GASK1A: variants seen among roughly 807,000 people sequenced by gnomAD.
GASK1A encodes Golgi-associated kinase 1A.
Under a neutral mutation model 41.2 loss-of-function variants are expected in GASK1A, and 40 were observed. The ratio of observed to expected loss-of-function variants is 0.97; its 90% confidence interval spans 0.75 to 1.27. The LOEUF is 1.27. GASK1A is among the 50% of genes most tolerant of loss of function. The pLI is 0.00. For synonymous variants in GASK1A, 316 were observed against 307.1 expected (o/e 1.03, Z -0.30); for missense variants, 678 against 745.1 (o/e 0.91, Z 1.05).
chr3:43,031,464 C>A (rs947618552), intron 1 of GASK1A, among the ~76,000 whole-genome samples: 3 of 152,150 alleles, frequency 2.0e-5, no homozygotes, highest in Non-Finnish European at 4.4e-5. Context: ...CTGACAAGTC[C>A]CCAGGTGATA....
intron 1 of GASK1A, among the ~76,000 whole-genome samples, chr3:43,013,567 G>T (rs1207676349): frequency 6.6e-6 from 1 of 151,726 alleles, no homozygotes; most frequent in African/African-American, 2.4e-5. Context: ...ACAGGGAGGG[G>T]TATTGTGAAG....
chr3:43,007,122 C>T (rs1254834312), intron 1 of GASK1A, among the ~76,000 whole-genome samples: 1 of 152,168 alleles, frequency 6.6e-6, no homozygotes, highest in Non-Finnish European at 1.5e-5. Flanking sequence ...CAAACTGTCT[C>T]CATGACCATG....
intron 1 of GASK1A, among the ~76,000 whole-genome samples, chr3:42,983,727 T>A (rs2089293154): frequency 6.6e-6 from 1 of 152,228 alleles, no homozygotes; most frequent in Non-Finnish European, 1.5e-5. Context: ...GTGGGAAATT[T>A]GATCCCCTCT....
At chr3:43,005,917 G>A (rs769748778) in intron 1 of GASK1A, among the ~76,000 whole-genome samples, 1 of 152,172 alleles carries the variant, frequency 6.6e-6, no homozygotes, top group Non-Finnish European at 1.5e-5. Flanking sequence ...TCTGATTTAT[G>A]GCAATGGGAT....
In GASK1A at chr3:43,020,063, G is replaced by T. The variant is rs544131578; in HGVS notation, c.4-12204G>T. Among the ~76,000 whole-genome samples, 3 of 152,280 alleles carry T rather than the reference G, an allele frequency of 2.0e-5. No individual in the cohort carries two copies. In the South Asian group the frequency reaches 6.2e-4, roughly 32 times the overall value. The stretch of plus-strand genomic sequence containing the variant: ...GTCCCTGTGCAGCCAGCCAACTGCA[G>T]TCATATTTGTAGGCAGTGGAGGTGT... On this transcript the variant is annotated intron_variant, in intron 1 of 4. Coordinates refer to ENST00000430121, the MANE Select transcript of GASK1A (RefSeq NM_001129908.3).
At chr3:43,027,396 A>G (rs2089551820) in intron 1 of GASK1A, among the ~76,000 whole-genome samples, 1 of 152,224 alleles carries the variant, frequency 6.6e-6, no homozygotes, top group African/African-American at 2.4e-5. Flanking sequence ...ATGAAGGCAA[A>G]AGGTGGGAGA....
intron 1 of GASK1A, among the ~76,000 whole-genome samples, chr3:43,002,773 T>A (rs1339784548): frequency 2.6e-5 from 4 of 152,196 alleles, no homozygotes; most frequent in Non-Finnish European, 4.4e-5. Context: ...TTTCTTTTTT[T>A]AAAAATGTGG....
chr3:43,052,158 C>A (rs1465732291), intron 2 of GASK1A, among the ~76,000 whole-genome samples: 1 of 152,180 alleles, frequency 6.6e-6, no homozygotes, highest in Admixed American at 6.5e-5. Context: ...TGGAGCCCTT[C>A]CTAGGATTTG....
Position 43,033,206 on chromosome 3 carries a change from G to C in GASK1A, c.943G>C (p.Gly315Arg). The C allele has an allele frequency of 6.4e-7, 1 of 1,551,584 alleles. No individual in the cohort carries two copies. Among genetic ancestry groups the C allele is most frequent in the Middle Eastern group, 1.7e-4 (1 of 5,992 alleles). ...SPRLSQLCSQ[G>R]LCGLIKRPGD... ...CAGGCTCAGCCAACTCTGTTCCCAA[G>C]GGCTCTGTGGCCTGATCAAGAGGCC... is the stretch of plus-strand genomic sequence containing the variant. The change falls in exon 2 of 5, where the codon GGG becomes CGG. Residue 315 changes from glycine (G) to arginine (R), a missense_variant. By Grantham distance (125) the Gly-to-Arg change is moderately radical. Coordinates refer to ENST00000430121, the MANE Select transcript of GASK1A (RefSeq NM_001129908.3).
At chr3:43,052,803 C>T (rs2089697488) in intron 2 of GASK1A, among the ~76,000 whole-genome samples, 5 of 152,194 alleles carry the variant, frequency 3.3e-5, no homozygotes, top group Admixed American at 3.3e-4. Flanking sequence ...ATACTATCCT[C>T]ATGTAGGTCA....
intron 1 of GASK1A, among the ~76,000 whole-genome samples, chr3:43,031,668 A>G (rs1030053026): frequency 6.6e-5 from 10 of 152,184 alleles, no homozygotes; most frequent in African/African-American, 2.4e-4. Context: ...ACCGGCAGGG[A>G]CGGCAAGAGA....
At chr3:43,023,138 C>G (rs577485872) in intron 1 of GASK1A, among the ~76,000 whole-genome samples, 6 of 152,194 alleles carry the variant, frequency 3.9e-5, no homozygotes, top group Non-Finnish European at 8.8e-5. Flanking sequence ...CCAGGTGGAC[C>G]CTAAATGCCA....
intron 1 of GASK1A, among the ~76,000 whole-genome samples, chr3:42,980,497 C>G (rs1409527711): frequency 6.6e-6 from 1 of 152,220 alleles, no homozygotes; most frequent in Admixed American, 6.5e-5. Flanking sequence ...CTCGCCTCTT[C>G]CCTTTCCTTC....
chr3:43,042,803 G>T (rs1332203872), intron 2 of GASK1A, among the ~76,000 whole-genome samples: 1 of 152,082 alleles, frequency 6.6e-6, no homozygotes, highest in Non-Finnish European at 1.5e-5. Flanking sequence ...TGGTCTATTC[G>T]CCGGCTTCCG....
At chr3:43,001,701 G>A (rs1020164339) in intron 1 of GASK1A, among the ~76,000 whole-genome samples, 6 of 152,164 alleles carry the variant, frequency 3.9e-5, no homozygotes, top group African/African-American at 1.4e-4. Context: ...AGGTGAGGAA[G>A]GTAAAGGTGA....
Position 43,056,579 on chromosome 3 carries a change from G to T in GASK1A, c.*193G>T. The T allele has an allele frequency of 1.9e-6, 1 of 534,644 alleles. No individual in the cohort carries two copies. The highest frequency in any genetic ancestry group is 3.3e-6 in the Non-Finnish European group (1 of 300,024). 33.1% of individuals were successfully genotyped at this position (534,644 alleles called of 1,614,324 possible). ...CAAAGCGTCCCTTTCTGCCTTCTCG[G>T]CTCTGGCTATTTATTCCCTTGCACC... is the stretch of plus-strand genomic sequence containing the variant. On this transcript the variant is annotated 3_prime_UTR_variant, in exon 5 of 5. Coordinates refer to ENST00000430121, the MANE Select transcript of GASK1A (RefSeq NM_001129908.3).
chr3:43,033,454 C>T lies in GASK1A; in HGVS notation c.1191C>T (p.Ala397=), dbSNP rs1302830046. The T allele has an allele frequency of 2.6e-6, 4 of 1,551,208 alleles. No homozygotes were observed. The highest frequency in any genetic ancestry group is 2.7e-5 in the African/African-American group (2 of 73,182). ...SLALGWLQYQ[A]LLAHSCNWPG... is the part of the protein sequence containing the mutation. Reference sequence around the variant, plus strand: ...CCTTGGGCTGGCTGCAGTATCAGGCCCTGCTGGCACACAGCTGCAACTGGC... The same window carrying T: ...CCTTGGGCTGGCTGCAGTATCAGGCTCTGCTGGCACACAGCTGCAACTGGC... The change falls in exon 2 of 5, where the codon GCC becomes GCT. Residue 397 remains alanine (A), a synonymous_variant. Coordinates refer to ENST00000430121, the MANE Select transcript of GASK1A (RefSeq NM_001129908.3).
chr3:43,040,296 G>A (rs774837642), intron 2 of GASK1A, among the ~76,000 whole-genome samples: 2 of 151,942 alleles, frequency 1.3e-5, no homozygotes, highest in Non-Finnish European at 2.9e-5. Context: ...ATTTCCATAA[G>A]TATATAGGTC....
chr3:42,997,335 T>G (rs1206721091), intron 1 of GASK1A, among the ~76,000 whole-genome samples: 1 of 150,680 alleles, frequency 6.6e-6, no homozygotes, highest in African/African-American at 2.4e-5. Flanking sequence ...CTCTGCTCCC[T>G]GCTCTTCGGA....
Sources: gnomAD v4.1 joint callset for allele counts (sites outside exome capture counted in the v4.1 genomes callset) on GRCh38, gnomAD v4.1.1 for gene constraint, MANE v1.5 for transcripts, NCBI Gene and HGNC (gene_info 2026-07-23, HGNC 2026-07-21) for gene names.